Variants in MAP1B observed in about 807,000 individuals in gnomAD.
MAP1B encodes the protein microtubule-associated protein 1B.
In MAP1B, 12 loss-of-function variants were observed where a neutral mutation model predicts 176.1. The ratio of observed to expected loss-of-function variants is 0.07; its 90% CI spans 0.04 to 0.11. The LOEUF (loss-of-function observed/expected upper bound fraction) is 0.11, where lower values mean the gene tolerates loss of function less well. MAP1B is among the 10% of genes least tolerant of loss of function. The pLI is 1.00. For synonymous variants in MAP1B, 1,044 were observed against 1,135.0 expected, an observed-to-expected ratio of 0.92 and a Z score of 1.61; for missense variants, 2,523 against 2,990.5, an observed-to-expected ratio of 0.84 and a Z score of 3.65.
In MAP1B at chr5:72,107,499, G is replaced by T. The variant is rs1282063274; in HGVS notation, c.-33G>T. 6.5e-7 allele frequency: 1 copy of T among 1,527,808 alleles called. No homozygotes were observed. The highest frequency in any genetic ancestry group is 8.8e-7 in the Non-Finnish European group (1 of 1,138,820). 94.6% of individuals were successfully genotyped at this position (1,527,808 alleles called of 1,614,324 possible). On this transcript the variant is annotated 5_prime_UTR_variant, in exon 1 of 7. Transcript: ENST00000296755. ...CGCAGTGGAGAGGAGCGGCCGGAGCGAGACACTTCGCCGAGGCACAGCAGC... is the reference window on the plus strand; with the variant it reads ...CGCAGTGGAGAGGAGCGGCCGGAGCTAGACACTTCGCCGAGGCACAGCAGC...
chr5:72,204,986 C>A lies in MAP1B; in HGVS notation c.7252-98C>A, dbSNP rs1424050307. ...AATAGAAAAGTTTTCTCTCATTTCC[C>A]TTCTTCTTCCAGTGGTCTAATACCT... On this transcript the variant is annotated intron_variant, in intron 6 of 6. Coordinates refer to ENST00000296755, the MANE Select transcript of MAP1B (RefSeq NM_005909.5). This position sits in a 1 kb window ranked among gnomAD's most constrained non-coding sequence, Gnocchi z 4.4. 3.8e-6 allele frequency: 3 copies of A among 797,906 alleles called. No individual in the cohort carries two copies. Among genetic ancestry groups the A allele is most frequent in the South Asian group, 2.8e-5 (1 of 35,762 alleles). 49.4% of individuals were successfully genotyped at this position (797,906 alleles called of 1,614,324 possible).
At chr5:72,184,938 C>T (rs754078546) in intron 3 of MAP1B, among the ~76,000 whole-genome samples, 5 of 152,308 alleles carry the variant, frequency 3.3e-5, no homozygotes, top group South Asian at 2.1e-4. Context: ...ACGTCTATCA[C>T]GCCCCAAAAG....
rs1014520452 is a variant in MAP1B, at chr5:72,186,963, C to G, written c.510+209C>G. On this transcript the variant is annotated intron_variant, in intron 4 of 6. Transcript: ENST00000296755. The surrounding 1 kb of genome is among the most constrained non-coding windows in gnomAD (Gnocchi z 4.3). ...TCATTTACAATTAATTGGAATCATT[C>G]TTAATGTGCCTGAGATATAGATGGG... Among the ~76,000 whole-genome samples the G allele has an allele frequency of 6.6e-6, 1 of 152,208 alleles. No homozygotes were observed. The highest frequency in any genetic ancestry group is 1.5e-5 in the Non-Finnish European group (1 of 68,046).
intron 2 of MAP1B, among the ~76,000 whole-genome samples, chr5:72,145,759 A>G (rs1746033225): frequency 6.6e-6 from 1 of 152,220 alleles, no homozygotes; most frequent in East Asian, 1.9e-4. Context: ...GTTAATTATG[A>G]TATGCCCAGC....
At chr5:72,150,777 T>A (rs1361635492) in intron 2 of MAP1B, among the ~76,000 whole-genome samples, 1 of 152,214 alleles carries the variant, frequency 6.6e-6, no homozygotes, top group Non-Finnish European at 1.5e-5. Context: ...CCTGCATTAG[T>A]TTGCTAAGGA....
intron 1 of MAP1B, among the ~76,000 whole-genome samples, chr5:72,113,623 T>C (rs923316900): frequency 6.6e-6 from 1 of 152,190 alleles, no homozygotes; most frequent in Non-Finnish European, 1.5e-5. Flanking sequence ...AATTTAGACA[T>C]TACTTAGAAC....
At position 72,197,002 on chromosome 5, in the gene MAP1B, A is replaced by G. The variant is rs764245908; in HGVS notation, c.3647A>G (p.Asp1216Gly). The G allele has an allele frequency of 6.2e-7, 1 of 1,614,188 alleles. No individual in the cohort carries two copies. The highest frequency in any genetic ancestry group is 1.3e-5 in the African/African-American group (1 of 75,052). The change falls in exon 5 of 7, where the codon GAC becomes GGC. Residue 1216 changes from aspartate to glycine, a missense_variant. Coordinates refer to ENST00000296755, the MANE Select transcript of MAP1B (RefSeq NM_005909.5). ...TCACCACCCTCTTCCATGGAGGAAGACAAATTCAGCAGATCTGCTTTACGT... is the reference window on the plus strand; with the variant it reads ...TCACCACCCTCTTCCATGGAGGAAGGCAAATTCAGCAGATCTGCTTTACGT... Reference protein sequence around the residue: ...TISPPSSMEEDKFSRSALRDA... With the variant: ...TISPPSSMEEGKFSRSALRDA...
intron 2 of MAP1B, among the ~76,000 whole-genome samples, chr5:72,179,358 A>G (rs1021665100): frequency 1.3e-5 from 2 of 152,150 alleles, no homozygotes; most frequent in Non-Finnish European, 2.9e-5. Flanking sequence ...GCGGACTACA[A>G]TGGTGGAGAG....
intron 2 of MAP1B, among the ~76,000 whole-genome samples, chr5:72,174,439 G>A (rs1320316462): frequency 3.3e-5 from 5 of 152,278 alleles, no homozygotes; most frequent in Non-Finnish European, 5.9e-5. Context: ...GCCACTCCTC[G>A]TCTTTGAGAT....
At chr5:72,143,186 C>T (rs1398117703) in intron 2 of MAP1B, among the ~76,000 whole-genome samples, 1 of 152,066 alleles carries the variant, frequency 6.6e-6, no homozygotes, top group East Asian at 1.9e-4. Flanking sequence ...TATCAGGATT[C>T]CCAGAGAAGA....
Position 72,199,199 on chromosome 5 carries a change from G to A in MAP1B, c.5844G>A (p.Arg1948=), listed in dbSNP as rs1446302173. Residue 1948 remains arginine (R), a synonymous_variant, in exon 5 of 7, where the codon CGG becomes CGA. Coordinates refer to ENST00000296755, the MANE Select transcript of MAP1B (RefSeq NM_005909.5). This position sits in a 1 kb window ranked among gnomAD's most constrained non-coding sequence, Gnocchi z 4.2. ...YSYEIIEKTT[R]TPEEGGYSYD... ...ATGAAATTATTGAGAAGACCACACG[G>A]ACCCCTGAAGAGGGTGGGTACTCAT... is the stretch of plus-strand genomic sequence containing the variant. 1.2e-6 allele frequency: 2 copies of A among 1,614,018 alleles called. No individual in the cohort carries two copies. Among genetic ancestry groups the A allele is most frequent in the Admixed American group, 1.7e-5 (1 of 60,016 alleles).
At chr5:72,158,276 G>A (rs560043386) in intron 2 of MAP1B, among the ~76,000 whole-genome samples, 1 of 152,104 alleles carries the variant, frequency 6.6e-6, no homozygotes, top group East Asian at 1.9e-4. Flanking sequence ...CCAAAGTGCT[G>A]GGATTATAGG....
In MAP1B at chr5:72,179,591, G is replaced by T. The variant is rs775602468; in HGVS notation, c.287-4152G>T. 322 of 985,232 alleles carry T rather than the reference G, an allele frequency of 3.3e-4. No homozygotes were observed. The Middle Eastern group carries it at 8.9e-3, about 27-fold the overall frequency. The allele number at this position is 985,232 out of a possible 1,614,324, so 61.0% of individuals were successfully genotyped here. On this transcript the variant is annotated intron_variant, in intron 2 of 6. Transcript: ENST00000296755. ...GCTGGCACCCACGGGTATGCCAGGG[G>T]TGGGGGCGCGTCAGGGCCCCTCTGC...
At chr5:72,158,622 C>A (rs1746273081) in intron 2 of MAP1B, among the ~76,000 whole-genome samples, 1 of 152,142 alleles carries the variant, frequency 6.6e-6, no homozygotes, top group Admixed American at 6.5e-5. Context: ...AAAGTAATGA[C>A]AACTTGAAAT....
At chr5:72,127,879 T>A (rs755858958) in intron 2 of MAP1B, among the ~76,000 whole-genome samples, 32 of 152,346 alleles carry the variant, frequency 2.1e-4, no homozygotes, top group Admixed American at 1.7e-3. Flanking sequence ...TAGAATTAAC[T>A]TAGAATTTCC....
intron 2 of MAP1B, among the ~76,000 whole-genome samples, chr5:72,139,705 T>A (rs1221486761): frequency 1.3e-5 from 2 of 152,198 alleles, no homozygotes; most frequent in East Asian, 3.8e-4. Flanking sequence ...AAAGCAGAGA[T>A]CTGTCCCTGA....
rs200892882 is a variant in MAP1B, at chr5:72,115,489, ACTG to A, written c.185-206_185-204del. Among the ~76,000 whole-genome samples, 3 of 152,292 alleles carry A rather than the reference ACTG, an allele frequency of 2.0e-5. No individual in the cohort carries two copies. In the East Asian group the frequency reaches 5.8e-4, roughly 29 times the overall value. ...TATGAGGGGCAGAAGCTCAGTCCAC[ACTG>A]CTAATTATCCCTCCCTTGTGGCCTG... On this transcript the variant is annotated intron_variant, in intron 1 of 6. Transcript: ENST00000296755.
At chr5:72,172,870 C>T (rs1473753719) in intron 2 of MAP1B, among the ~76,000 whole-genome samples, 1 of 152,242 alleles carries the variant, frequency 6.6e-6, no homozygotes, top group Non-Finnish European at 1.5e-5. Context: ...ATTTCTGCCT[C>T]TTATTGGACA....
intron 2 of MAP1B, among the ~76,000 whole-genome samples, chr5:72,124,664 T>G (rs970644626): frequency 1.3e-5 from 2 of 152,176 alleles, no homozygotes; most frequent in Non-Finnish European, 2.9e-5. Flanking sequence ...TAGAGGGAAG[T>G]CCTCTAAACA....
Sources: allele counts gnomAD v4.1 joint callset (sites outside exome capture counted in the v4.1 genomes callset), GRCh38; gene constraint gnomAD v4.1.1; non-coding constraint Gnocchi (gnomAD v3.1); transcripts MANE v1.5; gene names NCBI Gene and HGNC (gene_info 2026-07-23, HGNC 2026-07-21).